The following NPAP1 variants were observed in gnomAD, a reference collection of about 807,000 sequenced individuals.
NPAP1 encodes nuclear pore associated protein 1.
For missense variants in NPAP1, 1,483 were observed against 1,454.5 expected, an observed-to-expected ratio of 1.02 and a Z score of -0.32; for synonymous variants, 616 against 581.4, an observed-to-expected ratio of 1.06 and a Z score of -0.86.
rs375473121 is a variant in NPAP1 at position 24,678,610 on chromosome 15, A to T, written c.2743A>T (p.Ile915Phe). The change falls in exon 1 of 1, where the codon ATT becomes TTT. Residue 915 changes from isoleucine to phenylalanine, a missense_variant. Transcript: ENST00000329468. ...DGQQKSDSSF[I>F]LGNPATPAPV... The stretch of plus-strand genomic sequence containing the variant: ...GCAGCAGAAGTCTGACAGTTCTTTT[A>T]TTCTGGGGAATCCAGCAACCCCAGC... 2.5e-6 allele frequency: 4 copies of T among 1,614,012 alleles called. No homozygotes were observed. The highest frequency in any genetic ancestry group is 3.4e-6 in the Non-Finnish European group (4 of 1,180,028).
rs928630990 is a variant in NPAP1, at chr15:24,682,436, G to A, written c.*3098G>A. 1.2e-5 allele frequency: 2 copies of A among 166,596 alleles called. No homozygotes were observed. Among genetic ancestry groups the A allele is most frequent in the Admixed American group, 6.5e-5 (1 of 15,280 alleles). The allele number at this position is 166,596 out of a possible 1,614,324, so 10.3% of individuals were successfully genotyped here. On this transcript the variant is annotated 3_prime_UTR_variant, in exon 1 of 1. Coordinates refer to ENST00000329468, the MANE Select transcript of NPAP1 (RefSeq NM_018958.3). ...CTGGTAAGACAAACTTTGAATAAATGTGTGAGAGATACAAAGATAATTTTT... is the reference window on the plus strand; with the variant it reads ...CTGGTAAGACAAACTTTGAATAAATATGTGAGAGATACAAAGATAATTTTT...
In NPAP1 at chr15:24,678,053, G is replaced by A. The variant is rs1232881326; in HGVS notation, c.2186G>A (p.Gly729Asp). The A allele has an allele frequency of 6.2e-7, 1 of 1,613,738 alleles. No individual in the cohort carries two copies. The highest frequency in any genetic ancestry group is 1.1e-5 in the South Asian group (1 of 91,074). ...CTCCCATTTTACCTGGGGCTTCCTGGTTCTGGGAACACACAACCCAGCGGC... is the reference window on the plus strand; with the variant it reads ...CTCCCATTTTACCTGGGGCTTCCTGATTCTGGGAACACACAACCCAGCGGC... The part of the protein sequence containing the change: ...KYLPFYLGLP[G>D]SGNTQPSGNT... Residue 729 changes from glycine (G) to aspartate (D), a missense_variant, in exon 1 of 1, where the codon GGT (glycine) becomes GAT (aspartate). By Grantham distance (94) the Gly-to-Asp change is moderately conservative. Coordinates refer to ENST00000329468, the MANE Select transcript of NPAP1 (RefSeq NM_018958.3).
Position 24,679,508 on chromosome 15 carries a change from C to T in NPAP1, c.*170C>T. On this transcript the variant is annotated 3_prime_UTR_variant, in exon 1 of 1. Coordinates refer to ENST00000329468, the MANE Select transcript of NPAP1 (RefSeq NM_018958.3). ...AGGGGACAACAACATCCCTGTGCTC[C>T]CTTTCTCTGTCAGTACACATGGGTC... 1 of 625,690 alleles carries T rather than the reference C, an allele frequency of 1.6e-6. No individual in the cohort carries two copies. The highest frequency in any genetic ancestry group is 2.9e-5 in the Admixed American group (1 of 34,004). The allele number at this position is 625,690 out of a possible 1,614,324, so 38.8% of individuals were successfully genotyped here.
rs200219014 is a variant in NPAP1, at chr15:24,677,926, A to G, written c.2059A>G (p.Thr687Ala). 2,326 of 1,608,254 alleles carry G rather than the reference A, an allele frequency of 1.4e-3. 54 individuals carry two copies. In the South Asian group the frequency reaches 0.024, roughly 17 times the overall value. ...CTCCACTTTAGTGAACAGTGCCTCT[A>G]CAGCATCATCATCCAAACCTCCCAT... ...DTSTLVNSAS[T>A]ASSSKPPIET... Residue 687 changes from threonine (T) to alanine (A), a missense_variant, in exon 1 of 1, where the codon ACA becomes GCA. Thr to Ala is a moderately conservative substitution (Grantham distance 58, BLOSUM62 0). Transcript: ENST00000329468.
In NPAP1 at chr15:24,679,190, G is replaced by C. The variant is rs560024828; in HGVS notation, c.3323G>C (p.Arg1108Thr). The C allele has an allele frequency of 9.3e-6, 15 of 1,614,216 alleles. No homozygotes were observed. In the East Asian group the frequency reaches 2.5e-4, roughly 26 times the overall value. Residue 1108 changes from arginine to threonine, a missense_variant, in exon 1 of 1, where the codon AGA becomes ACA. Physicochemically the swap from Arg to Thr is moderately conservative, Grantham distance 71 (BLOSUM62 -1). Coordinates refer to ENST00000329468, the MANE Select transcript of NPAP1 (RefSeq NM_018958.3). ...SCSGMGGDGT[R>T]SIVGGPCVPA... ...AGTGGTATGGGAGGGGATGGCACCA[G>C]ATCCATAGTTGGAGGCCCTTGTGTT... is the stretch of plus-strand genomic sequence containing the variant.
rs1224905708 is a variant in NPAP1, at chr15:24,678,665, T to A, written c.2798T>A (p.Val933Asp). Residue 933 changes from valine to aspartate, a missense_variant, in exon 1 of 1, where the codon GTC becomes GAC. Transcript: ENST00000329468. ...APVIGLTSPS[V>D]QPLSGSIIPP... ...GTTATAGGCTTAACATCTCCTTCAG[T>A]CCAGCCACTGAGTGGCAGCATAATT... 3 of 1,614,182 alleles carry A rather than the reference T, an allele frequency of 1.9e-6. No individual in the cohort carries two copies. In the East Asian group the frequency reaches 6.7e-5, roughly 36 times the overall value.
chr15:24,678,643 A>T lies in NPAP1; in HGVS notation c.2776A>T (p.Ile926Leu), dbSNP rs2048994904. 6.2e-7 allele frequency: 1 copy of T among 1,614,102 alleles called. No individual in the cohort carries two copies. Among genetic ancestry groups the T allele is most frequent in the Non-Finnish European group, 8.5e-7 (1 of 1,180,040 alleles). The stretch of plus-strand genomic sequence containing the variant: ...GAATCCAGCAACCCCAGCACCAGTT[A>T]TAGGCTTAACATCTCCTTCAGTCCA... ...LGNPATPAPV[I>L]GLTSPSVQPL... The change falls in exon 1 of 1, where the codon ATA (isoleucine) becomes TTA (leucine). Residue 926 changes from isoleucine to leucine, a missense_variant. Transcript: ENST00000329468.
In NPAP1 at chr15:24,679,592, G is replaced by T; in HGVS notation, c.*254G>T. 1 of 501,952 alleles carries T rather than the reference G, an allele frequency of 2.0e-6. No individual in the cohort carries two copies. The highest frequency in any genetic ancestry group is 3.7e-6 in the Non-Finnish European group (1 of 271,386). The allele number at this position is 501,952 out of a possible 1,614,324, so 31.1% of individuals were successfully genotyped here. On this transcript the variant is annotated 3_prime_UTR_variant, in exon 1 of 1. Coordinates refer to ENST00000329468, the MANE Select transcript of NPAP1 (RefSeq NM_018958.3). ...GTGAATGGCAACATATCTTTAATTA[G>T]AGGCCCTTGTGTATCCACCTACCAA...
chr15:24,676,893 G>A lies in NPAP1; in HGVS notation c.1026G>A (p.Leu342=). 1 of 1,613,624 alleles carries A rather than the reference G, an allele frequency of 6.2e-7. No individual in the cohort carries two copies. Among genetic ancestry groups the A allele is most frequent in the Non-Finnish European group, 8.5e-7 (1 of 1,180,030 alleles). The change falls in exon 1 of 1, where the codon CTG becomes CTA. Residue 342 remains leucine (L), a synonymous_variant. Coordinates refer to ENST00000329468, the MANE Select transcript of NPAP1 (RefSeq NM_018958.3). ...IPLLLPLPPS[L]PLLWDRGELP... The stretch of plus-strand genomic sequence containing the variant: ...TGCTGCTGCCGCTGCCCCCTTCACT[G>A]CCATTGCTGTGGGATCGAGGTGAGC...
chr15:24,676,773 G>T lies in NPAP1; in HGVS notation c.906G>T (p.Met302Ile), dbSNP rs1413225325. Reference sequence around the variant, plus strand: ...TTCCGCTGATGTCCGGAAAGAGGATGCCTGATGAGAAGCCTTTCTGTATTC... The same window carrying T: ...TTCCGCTGATGTCCGGAAAGAGGATTCCTGATGAGAAGCCTTTCTGTATTC... The part of the protein sequence containing the change: ...LPIPLMSGKR[M>I]PDEKPFCIPP... The change falls in exon 1 of 1, where the codon ATG becomes ATT. Residue 302 changes from methionine (M) to isoleucine (I), a missense_variant. Physicochemically the swap from Met to Ile is conservative, Grantham distance 10 (BLOSUM62 1). Transcript: ENST00000329468. 1 of 1,613,592 alleles carries T rather than the reference G, an allele frequency of 6.2e-7. No individual in the cohort carries two copies. The highest frequency in any genetic ancestry group is 1.3e-5 in the African/African-American group (1 of 74,916).
rs566876744 is a variant in NPAP1 at position 24,679,556 on chromosome 15, G to A, written c.*218G>A. ...GTCCCACCTGGACAAAACACAGGTG[G>A]TGCATCTGCAGTGAATGGCAACATA... is the stretch of plus-strand genomic sequence containing the variant. On this transcript the variant is annotated 3_prime_UTR_variant, in exon 1 of 1. Coordinates refer to ENST00000329468, the MANE Select transcript of NPAP1 (RefSeq NM_018958.3). 1.7e-6 allele frequency: 1 copy of A among 579,054 alleles called. No individual in the cohort carries two copies. The highest frequency in any genetic ancestry group is 1.9e-5 in the African/African-American group (1 of 53,342). The allele number at this position is 579,054 out of a possible 1,614,324, so 35.9% of individuals were successfully genotyped here. A position where few individuals can be genotyped will look rare whatever the true frequency, so the allele number is the denominator to read the frequency against.
Position 24,676,350 on chromosome 15 carries a change from G to A in NPAP1, c.483G>A (p.Lys161=), listed in dbSNP as rs981637768. The A allele has an allele frequency of 3.2e-6, 5 of 1,540,108 alleles. No homozygotes were observed. Among genetic ancestry groups the A allele is most frequent in the African/African-American group, 1.4e-5 (1 of 72,372 alleles). Residue 161 remains lysine, a synonymous_variant, in exon 1 of 1, where the codon AAG becomes AAA. Transcript: ENST00000329468. ...CCCAAGAAGGGCCCAGAAGAGTGAA[G>A]AAGGATGAGGATCCGGTGCAGATCG... The part of the protein sequence containing the change: ...VWAQEGPRRV[K]KDEDPVQIEG...
rs368505553 is a variant in NPAP1 at position 24,678,584 on chromosome 15, G to T, written c.2717G>T (p.Gly906Val). The T allele has an allele frequency of 1.2e-6, 2 of 1,613,872 alleles. No individual in the cohort carries two copies. The highest frequency in any genetic ancestry group is 2.7e-5 in the African/African-American group (2 of 74,924). ...ISHSTLGATD[G>V]QQKSDSSFIL... ...CATTCCACACTTGGGGCCACTGATG[G>T]GCAGCAGAAGTCTGACAGTTCTTTT... is the stretch of plus-strand genomic sequence containing the variant. The change falls in exon 1 of 1, where the codon GGG (glycine) becomes GTG (valine). Residue 906 changes from glycine (G) to valine (V), a missense_variant. By Grantham distance (109) the Gly-to-Val change is moderately radical (BLOSUM62 -3). Coordinates refer to ENST00000329468, the MANE Select transcript of NPAP1 (RefSeq NM_018958.3).
In NPAP1 at chr15:24,676,329, A is replaced by C. The variant is rs761113460; in HGVS notation, c.462A>C (p.Gln154His). 8 of 1,525,074 alleles carry C rather than the reference A, an allele frequency of 5.2e-6. No individual in the cohort carries two copies. In the South Asian group the frequency reaches 9.3e-5, roughly 18 times the overall value. 94.5% of individuals were successfully genotyped at this position (1,525,074 alleles called of 1,614,324 possible). Residue 154 changes from glutamine to histidine, a missense_variant, in exon 1 of 1, where the codon CAA (glutamine) becomes CAC (histidine). Coordinates refer to ENST00000329468, the MANE Select transcript of NPAP1 (RefSeq NM_018958.3). ...TLLEETEVWA[Q>H]EGPRRVKKDE... Reference sequence around the variant, plus strand: ...TGGAGGAGACCGAGGTGTGGGCCCAAGAAGGGCCCAGAAGAGTGAAGAAGG... The same window carrying C: ...TGGAGGAGACCGAGGTGTGGGCCCACGAAGGGCCCAGAAGAGTGAAGAAGG...
chr15:24,681,642 T>A lies in NPAP1; in HGVS notation c.*2304T>A, dbSNP rs1176283727. ...AACAGTCTGTAAGCCAGGAAAAGAG[T>A]CCTCACAAGAAACAGAATTTGTCTT... On this transcript the variant is annotated 3_prime_UTR_variant, in exon 1 of 1. Coordinates refer to ENST00000329468, the MANE Select transcript of NPAP1 (RefSeq NM_018958.3). The A allele has an allele frequency of 6.0e-6, 1 of 166,922 alleles. No individual in the cohort carries two copies. The highest frequency in any genetic ancestry group is 1.9e-4 in the East Asian group (1 of 5,168). 10.3% of individuals were successfully genotyped at this position (166,922 alleles called of 1,614,324 possible).
rs767910437 is a variant in NPAP1, at chr15:24,675,843, C to A, written c.-25C>A. ...TGAGTCCACTGCTGACCCTGTTTTA[C>A]GGTAGGAGGCACGGCTAGCTCTAAA... is the stretch of plus-strand genomic sequence containing the variant. On this transcript the variant is annotated 5_prime_UTR_variant, in exon 1 of 1. Coordinates refer to ENST00000329468, the MANE Select transcript of NPAP1 (RefSeq NM_018958.3). The A allele has an allele frequency of 8.1e-5, 119 of 1,462,672 alleles. No homozygotes were observed. The highest frequency in any genetic ancestry group is 1.1e-4 in the Non-Finnish European group (116 of 1,098,792). The allele number at this position is 1,462,672 out of a possible 1,614,324, so 90.6% of individuals were successfully genotyped here.
At position 24,675,946 on chromosome 15, in the gene NPAP1, C is replaced by T. The variant is rs765265578; in HGVS notation, c.79C>T (p.Pro27Ser). 1.9e-6 allele frequency: 3 copies of T among 1,590,034 alleles called. No individual in the cohort carries two copies. The highest frequency in any genetic ancestry group is 1.1e-5 in the South Asian group (1 of 88,962). ...AGGGCCAGGGCGTGGCGCCCCCGCT[C>T]CCCTGTCCCGGGACGCCTCCCCGCC... ...LPGPGRGAPA[P>S]LSRDASPPGR... The change falls in exon 1 of 1, where the codon CCC becomes TCC. Residue 27 changes from proline to serine, a missense_variant. By Grantham distance (74) the Pro-to-Ser change is moderately conservative. Coordinates refer to ENST00000329468, the MANE Select transcript of NPAP1 (RefSeq NM_018958.3).
Position 24,678,846 on chromosome 15 carries a change from C to G in NPAP1, c.2979C>G (p.Asp993Glu). 1 of 1,614,198 alleles carries G rather than the reference C, an allele frequency of 6.2e-7. No homozygotes were observed. Among genetic ancestry groups the G allele is most frequent in the Non-Finnish European group, 8.5e-7 (1 of 1,180,030 alleles). Reference sequence around the variant, plus strand: ...CCACTGGGATGCCTGGCACTGGAGACAGTACCTTACTGGTTGGAAATACTA... The same window carrying G: ...CCACTGGGATGCCTGGCACTGGAGAGAGTACCTTACTGGTTGGAAATACTA... ...RIATGMPGTG[D>E]STLLVGNTIP... Residue 993 changes from aspartate (D) to glutamate (E), a missense_variant, in exon 1 of 1, where the codon GAC becomes GAG. Transcript: ENST00000329468.
rs2141307344 is a variant in NPAP1 at position 24,676,140 on chromosome 15, G to T, written c.273G>T (p.Gly91=). The T allele has an allele frequency of 5.7e-6, 9 of 1,575,302 alleles. No homozygotes were observed. Among genetic ancestry groups the T allele is most frequent in the Non-Finnish European group, 7.7e-6 (9 of 1,162,888 alleles). ...GGGTCCTGCCGGCTGTGGGTTGGGG[G>T]CTGGCCATCAGGAAGACACCCATGC... ...PLGVLPAVGW[G]LAIRKTPMLP... is the part of the protein sequence containing the mutation. The change falls in exon 1 of 1, where the codon GGG becomes GGT. Residue 91 remains glycine (G), a synonymous_variant. Transcript: ENST00000329468.
Sources: allele counts gnomAD v4.1 joint callset, GRCh38; gene constraint gnomAD v4.1.1; transcripts MANE v1.5; gene names NCBI Gene and HGNC (gene_info 2026-07-23, HGNC 2026-07-21).